Variants in KCNQ1 observed in about 807,000 individuals in gnomAD.
KCNQ1 encodes the protein potassium voltage-gated channel subfamily KQT member 1.
KCNQ1 carries 49 observed loss-of-function variants against 72.4 expected under a neutral mutation model. The observed-to-expected ratio is 0.68, with a 90% CI of 0.54 to 0.86. KCNQ1 has a LOEUF of 0.86. KCNQ1 is among the 40% of genes least tolerant of loss of function. The probability of loss-of-function intolerance (pLI) is 0.00; values close to 1 mark genes in which losing one functional copy is unlikely to be tolerated. For synonymous variants in KCNQ1, 450 were observed against 412.6 expected, an observed-to-expected ratio of 1.09 and a Z score of -1.10; for missense variants, 790 against 945.1, an observed-to-expected ratio of 0.84 and a Z score of 2.15.
chr11:2,760,970 A>T (rs1846383668), intron 11 of KCNQ1, among the ~76,000 whole-genome samples: 1 of 152,206 alleles, frequency 6.6e-6, no homozygotes, highest in Non-Finnish European at 1.5e-5. Context: ...CCGTCCATAG[A>T]CAGCTTGCGT....
intron 4 of KCNQ1, 74 bp from the exon 5 acceptor site, chr11:2,571,939 C>T (rs914744976): frequency 1.5e-5 from 19 of 1,298,584 alleles, no homozygotes; most frequent in African/African-American, 8.7e-5. Context: ...CCCATGCCAT[C>T]GGCCAGCCCT....
chr11:2,517,201 C>T (rs1020384993), intron 1 of KCNQ1, among the ~76,000 whole-genome samples: 6 of 152,272 alleles, frequency 3.9e-5, no homozygotes, highest in Middle Eastern at 3.4e-3. Flanking sequence ...GAGCCCCGTG[C>T]GCAGCTGGAC....
At chr11:2,667,605 C>A in intron 11 of KCNQ1, 1 of 398,548 alleles carries the variant, frequency 2.5e-6, no homozygotes, top group South Asian at 1.3e-4. Flanking sequence ...GCGGGGGGCA[C>A]ATCCCATATA....
intron 15 of KCNQ1, among the ~76,000 whole-genome samples, chr11:2,819,805 G>A (rs1847695763): frequency 6.6e-6 from 1 of 151,990 alleles, no homozygotes; most frequent in South Asian, 2.1e-4. Flanking sequence ...CTCCCCAATG[G>A]GTTTATGTTT....
rs1851044118 is a variant in KCNQ1 at position 2,713,764 on chromosome 11, A to T, written c.1514+51683A>T. On this transcript the variant is annotated intron_variant, in intron 11 of 15. Coordinates refer to ENST00000155840, the MANE Select transcript of KCNQ1 (RefSeq NM_000218.3). This position sits in a 1 kb window ranked among gnomAD's most constrained non-coding sequence, Gnocchi z 5.6. ...GGTTCTCTTGGCTGCTGGTAAGATT[A>T]TCCATTAAATCCATATTCCTCACTG... Among the ~76,000 whole-genome samples, 1 of 152,204 alleles carries T rather than the reference A, an allele frequency of 6.6e-6. No homozygotes were observed. Among genetic ancestry groups the T allele is most frequent in the Non-Finnish European group, 1.5e-5 (1 of 68,036 alleles).
intron 11 of KCNQ1, chr11:2,684,857 GA>G (rs1178296018): frequency 2.5e-6 from 1 of 398,570 alleles, no homozygotes; most frequent in Non-Finnish European, 4.4e-6. Flanking sequence ...TTCCTCCAGG[GA>G]GTCTGCTGAG....
intron 15 of KCNQ1, among the ~76,000 whole-genome samples, chr11:2,837,122 G>A (rs1848082473): frequency 6.6e-6 from 1 of 152,186 alleles, no homozygotes; most frequent in Admixed American, 6.5e-5. Context: ...CTCACATGGT[G>A]TGCGTGTTTG....
chr11:2,731,797 C>T (rs886596970), intron 11 of KCNQ1, among the ~76,000 whole-genome samples: 3 of 152,250 alleles, frequency 2.0e-5, no homozygotes, highest in Admixed American at 2.0e-4. Flanking sequence ...CCAGCTCTTC[C>T]GGGTGGAAGA....
chr11:2,562,804 G>A lies in KCNQ1; in HGVS notation c.478-7824G>A, dbSNP rs1454506556. On this transcript the variant is annotated intron_variant, in intron 2 of 15. Transcript: ENST00000155840. The surrounding 1 kb of genome is among the most constrained non-coding windows in gnomAD (Gnocchi z 7.5). ...AGGCCGGCTGTGTTTCTGCATCCTT[G>A]ACCCTGGCCCCTTCCACAAAGCTCA... is the stretch of plus-strand genomic sequence containing the variant. Among the ~76,000 whole-genome samples, 1 of 152,154 alleles carries A rather than the reference G, an allele frequency of 6.6e-6. No homozygotes were observed. Among genetic ancestry groups the A allele is most frequent in the Non-Finnish European group, 1.5e-5 (1 of 68,024 alleles).
At position 2,630,249 on chromosome 11, in the gene KCNQ1, C is replaced by T. The variant is rs527290725; in HGVS notation, c.1394-31712C>T. The T allele has an allele frequency of 1.0e-5, 4 of 398,118 alleles. No individual in the cohort carries two copies. The South Asian group carries it at 5.1e-4, about 51-fold the overall frequency. The allele number at this position is 398,118 out of a possible 1,614,324, so 24.7% of individuals were successfully genotyped here. ...ATGTACACTTAACTGTCCTTATGTA[C>T]TAAGGATAAATCCCATGTTTGTGAT... On this transcript the variant is annotated intron_variant, in intron 10 of 15. Transcript: ENST00000155840.
At chr11:2,770,874 CA>C (rs1284959574) in intron 12 of KCNQ1, among the ~76,000 whole-genome samples, 1 of 152,238 alleles carries the variant, frequency 6.6e-6, no homozygotes, top group Non-Finnish European at 1.5e-5. Flanking sequence ...CTCTCCCAGA[CA>C]GGGAAGGGGC....
chr11:2,531,739 C>T (rs1302280870), intron 2 of KCNQ1, among the ~76,000 whole-genome samples: 2 of 152,204 alleles, frequency 1.3e-5, no homozygotes, highest in African/African-American at 2.4e-5. Context: ...GCCTTTTCCA[C>T]TGCTTGGAAG....
intron 15 of KCNQ1, among the ~76,000 whole-genome samples, chr11:2,820,521 G>A (rs934643546): frequency 2.0e-5 from 3 of 152,228 alleles, no homozygotes; most frequent in Admixed American, 2.0e-4. Flanking sequence ...TGTTAAACTT[G>A]TTAGTGGAGT....
rs764827552 is a variant in KCNQ1, at chr11:2,690,994, G to T, written c.1514+28913G>T. ...AACAAAAGCCCACCAGACCATCAAT[G>T]AAGTGGGCAAAAGCTCTGGGTGAAC... On this transcript the variant is annotated intron_variant, in intron 11 of 15. Coordinates refer to ENST00000155840, the MANE Select transcript of KCNQ1 (RefSeq NM_000218.3). The surrounding 1 kb of genome is among the most constrained non-coding windows in gnomAD (Gnocchi z 5.1). 2.5e-6 allele frequency: 1 copy of T among 398,558 alleles called. No individual in the cohort carries two copies. The highest frequency in any genetic ancestry group is 4.4e-6 in the Non-Finnish European group (1 of 226,092). 24.7% of individuals were successfully genotyped at this position (398,558 alleles called of 1,614,324 possible).
rs1174560327 is a variant in KCNQ1 at position 2,769,732 on chromosome 11, G to A, written c.1590+813G>A. On this transcript the variant is annotated intron_variant, in intron 12 of 15. Coordinates refer to ENST00000155840, the MANE Select transcript of KCNQ1 (RefSeq NM_000218.3). The surrounding 1 kb of genome is among the most constrained non-coding windows in gnomAD (Gnocchi z 4.6). ...ATCACAAAGCAGGGAAGGCTGGGGG[G>A]TGACTTGCCTGAGTCCCTTGGAGCG... Among the ~76,000 whole-genome samples, 1 of 152,166 alleles carries A rather than the reference G, an allele frequency of 6.6e-6. No individual in the cohort carries two copies. Among genetic ancestry groups the A allele is most frequent in the African/African-American group, 2.4e-5 (1 of 41,430 alleles).
In KCNQ1 at chr11:2,767,460, G is replaced by A. The variant is rs1846519951; in HGVS notation, c.1515-1384G>A. ...AATGGAAGGAGCTGCAAGTATTTAA[G>A]GCTGTTGGAAGTACCACACCTTTAG... On this transcript the variant is annotated intron_variant, in intron 11 of 15. Transcript: ENST00000155840. The surrounding 1 kb of genome is among the most constrained non-coding windows in gnomAD (Gnocchi z 4.6). Among the ~76,000 whole-genome samples the A allele has an allele frequency of 6.6e-6, 1 of 152,168 alleles. No individual in the cohort carries two copies. The highest frequency in any genetic ancestry group is 1.5e-5 in the Non-Finnish European group (1 of 68,036).
Position 2,745,610 on chromosome 11 carries a change from C to G in KCNQ1, c.1515-23234C>G, listed in dbSNP as rs572316208. 6.6e-6 allele frequency among the ~76,000 whole-genome samples: 1 copy of G among 152,354 alleles called. No individual in the cohort carries two copies. The highest frequency in any genetic ancestry group is 6.5e-5 in the Admixed American group (1 of 15,298). ...TCCCCAGCCCCTAATGTTCTTGCCT[C>G]ATGTCTTCAGGTGCGGGGCTGGCAG... is the stretch of plus-strand genomic sequence containing the variant. On this transcript the variant is annotated intron_variant, in intron 11 of 15. Coordinates refer to ENST00000155840, the MANE Select transcript of KCNQ1 (RefSeq NM_000218.3). This position sits in a 1 kb window ranked among gnomAD's most constrained non-coding sequence, Gnocchi z 6.2.
intron 11 of KCNQ1, among the ~76,000 whole-genome samples, chr11:2,744,177 G>A (rs549935742): frequency 6.6e-6 from 1 of 152,352 alleles, no homozygotes; most frequent in African/African-American, 2.4e-5. Flanking sequence ...TTATTACAGG[G>A]AGCTGGGGAC....
At chr11:2,685,524 T>A (rs1268777368) in intron 11 of KCNQ1, 4 of 398,590 alleles carry the variant, frequency 1.0e-5, no homozygotes, top group African/African-American at 8.2e-5. Flanking sequence ...ACGCTAGTCC[T>A]ACAGGTGCAG....
Sources: allele counts gnomAD v4.1 joint callset (sites outside exome capture counted in the v4.1 genomes callset), GRCh38; gene constraint gnomAD v4.1.1; non-coding constraint Gnocchi (gnomAD v3.1); transcripts MANE v1.5; gene names NCBI Gene and HGNC (gene_info 2026-07-23, HGNC 2026-07-21).